Variants in CSMD3 observed in about 807,000 individuals in gnomAD.
CSMD3 encodes the protein CUB and sushi domain-containing protein 3.
A neutral mutation model predicts 435.2 loss-of-function variants in CSMD3; 177 were observed. The ratio of observed to expected loss-of-function variants is 0.41; its 90% CI spans 0.36 to 0.46. The LOEUF (loss-of-function observed/expected upper bound fraction) is 0.46, where lower values mean the gene tolerates loss of function less well. Ranked by LOEUF, CSMD3 falls within the 20% of genes least tolerant of loss-of-function variation. The pLI is 0.34. For synonymous variants in CSMD3, 1,656 were observed against 1,520.5 expected, an observed-to-expected ratio of 1.09 and a Z score of -2.07; for missense variants, 4,265 against 4,504.6, an observed-to-expected ratio of 0.95 and a Z score of 1.52.
chr8:112,458,640 C>T (rs919949672), intron 32 of CSMD3, among the ~76,000 whole-genome samples: 1 of 152,034 alleles, frequency 6.6e-6, no homozygotes, highest in African/African-American at 2.4e-5. Flanking sequence ...CCAAGCTTGC[C>T]AGATATTCTC....
chr8:112,800,368 T>C (rs2078932090), intron 12 of CSMD3, 94 bp from the exon 13 acceptor site: 4 of 883,130 alleles, frequency 4.5e-6, no homozygotes, highest in East Asian at 2.4e-5. Flanking sequence ...ATACTTTCTT[T>C]GCTAGAAAAA....
intron 13 of CSMD3, among the ~76,000 whole-genome samples, chr8:112,796,988 C>T (rs2078845100): frequency 6.6e-6 from 1 of 151,940 alleles, no homozygotes; most frequent in Non-Finnish European, 1.5e-5. Flanking sequence ...TAAAAATTAA[C>T]TAAATTTAGA....
intron 22 of CSMD3, among the ~76,000 whole-genome samples, chr8:112,594,921 A>C (rs536812763): frequency 1.4e-4 from 22 of 152,054 alleles, no homozygotes; most frequent in African/African-American, 4.8e-4. Context: ...GGGAAAAAAC[A>C]GAACAGAAAA....
chr8:113,092,394 T>C (rs1011567813), intron 5 of CSMD3, among the ~76,000 whole-genome samples: 12 of 152,100 alleles, frequency 7.9e-5, no homozygotes, highest in Non-Finnish European at 1.3e-4. Context: ...ATAAAAACCA[T>C]GTATCAGAGA....
intron 36 of CSMD3, among the ~76,000 whole-genome samples, chr8:112,385,878 A>G (rs958198200): frequency 2.0e-5 from 3 of 151,902 alleles, no homozygotes; most frequent in Non-Finnish European, 4.4e-5. Context: ...TGTCTAGTGT[A>G]TATAGCTGAA....
rs1257344003 is a variant in CSMD3 at position 112,247,017 on chromosome 8, T to C, written c.10222+3A>G. 2 of 1,595,704 alleles carry C rather than the reference T, an allele frequency of 1.3e-6. No individual in the cohort carries two copies. On this transcript the variant is annotated splice_donor_region_variant and intron_variant, in intron 64 of 70. Coordinates refer to ENST00000297405, the MANE Select transcript of CSMD3 (RefSeq NM_198123.2). Reference sequence around the variant, plus strand: ...AGCATTATTTCTTATCCATAATACTTACGTATGCATTCAGGCTGAATCCCA... The same window carrying C: ...AGCATTATTTCTTATCCATAATACTCACGTATGCATTCAGGCTGAATCCCA...
intron 32 of CSMD3, among the ~76,000 whole-genome samples, chr8:112,461,465 C>G (rs1315454054): frequency 1.3e-5 from 2 of 151,914 alleles, no homozygotes; most frequent in African/African-American, 4.8e-5. Context: ...TTTCCCATAT[C>G]AACATCTTAA....
intron 7 of CSMD3, among the ~76,000 whole-genome samples, chr8:112,955,232 T>C (rs1204999891): frequency 6.6e-6 from 1 of 151,656 alleles, no homozygotes; most frequent in African/African-American, 2.4e-5. Flanking sequence ...ATGACTTAAT[T>C]AGAAAAGTTT....
intron 6 of CSMD3, among the ~76,000 whole-genome samples, chr8:113,014,727 G>A (rs910204378): frequency 6.6e-6 from 1 of 152,062 alleles, no homozygotes; most frequent in Non-Finnish European, 1.5e-5. Context: ...TCTGATCTCA[G>A]TCTTAAGACT....
chr8:113,108,442 GTT>G (rs1165254119), intron 4 of CSMD3, among the ~76,000 whole-genome samples: 3 of 151,246 alleles, frequency 2.0e-5, no homozygotes, highest in Non-Finnish European at 2.9e-5. Flanking sequence ...AAAAAAAAAG[GTT>G]ATGTATGTTG....
chr8:113,314,430 A>G (rs1426579841), intron 2 of CSMD3, 141 bp downstream of exon 2: 3 of 654,230 alleles, frequency 4.6e-6, no homozygotes, highest in East Asian at 5.5e-5. Context: ...ATGGGATGAT[A>G]TATTTTCAAA....
intron 27 of CSMD3, among the ~76,000 whole-genome samples, chr8:112,532,212 C>T (rs917461126): frequency 5.9e-5 from 9 of 151,650 alleles, no homozygotes; most frequent in African/African-American, 9.7e-5. Context: ...AGAAGGCTTA[C>T]GAGATTTAGA....
chr8:112,317,274 A>G (rs537759026), intron 47 of CSMD3, among the ~76,000 whole-genome samples: 1 of 152,162 alleles, frequency 6.6e-6, no homozygotes, highest in African/African-American at 2.4e-5. Context: ...AAAAAACTGT[A>G]AAATATCTAG....
intron 16 of CSMD3, among the ~76,000 whole-genome samples, chr8:112,677,355 G>A (rs1266895372): frequency 2.0e-5 from 3 of 150,918 alleles, no homozygotes; most frequent in African/African-American, 4.9e-5. Flanking sequence ...GGGAAAAGAT[G>A]GCCTAGAAAG....
chr8:112,444,196 A>C (rs768468573), intron 32 of CSMD3, among the ~76,000 whole-genome samples: 2 of 152,226 alleles, frequency 1.3e-5, no homozygotes, highest in Non-Finnish European at 2.9e-5. Context: ...GAATGGCTGA[A>C]ATTAAAAAGA....
At chr8:112,435,307 T>C (rs772532541) in intron 32 of CSMD3, among the ~76,000 whole-genome samples, 1 of 152,072 alleles carries the variant, frequency 6.6e-6, no homozygotes, top group Admixed American at 6.6e-5. Context: ...TAAGGCAAAG[T>C]GCTCTATAAC....
At chr8:113,133,332 C>T (rs1362692915) in intron 4 of CSMD3, among the ~76,000 whole-genome samples, 1 of 152,010 alleles carries the variant, frequency 6.6e-6, no homozygotes, top group Non-Finnish European at 1.5e-5. Flanking sequence ...CACTAATCAT[C>T]AGAACAATAC....
At chr8:113,091,122 G>GA (rs559946518) in intron 5 of CSMD3, among the ~76,000 whole-genome samples, 30 of 150,616 alleles carry the variant, frequency 2.0e-4, no homozygotes, top group African/African-American at 3.6e-4. Context: ...ATAAATTACA[G>GA]AAAAAAAAAT....
chr8:112,651,037 C>A (rs573136795), intron 18 of CSMD3, among the ~76,000 whole-genome samples: 173 of 152,222 alleles, frequency 1.1e-3, no homozygotes, highest in African/African-American at 4.1e-3. Context: ...CATTCCTGGC[C>A]CCCACCTGTT....
Sources: allele counts gnomAD v4.1 joint callset (sites outside exome capture counted in the v4.1 genomes callset), GRCh38; gene constraint gnomAD v4.1.1; transcripts MANE v1.5; gene names NCBI Gene and HGNC (gene_info 2026-07-23, HGNC 2026-07-21).